PRKG1: variants seen among roughly 807,000 people sequenced by gnomAD.
PRKG1 encodes the protein protein kinase cGMP-dependent 1.
PRKG1 carries 35 observed loss-of-function variants against 88.1 expected under a neutral mutation model. The observed-to-expected ratio is 0.40, with a 90% CI of 0.30 to 0.53. The LOEUF (loss-of-function observed/expected upper bound fraction) is 0.53. Ranked by LOEUF, PRKG1 falls within the 20% of genes least tolerant of loss-of-function variation. The pLI is 0.59. For missense variants in PRKG1, 540 were observed against 839.8 expected, an observed-to-expected ratio of 0.64 and a Z score of 4.41; for synonymous variants, 303 against 292.5, an observed-to-expected ratio of 1.04 and a Z score of -0.37.
At chr10:51,521,682 T>C (rs1272811461) in intron 3 of PRKG1, among the ~76,000 whole-genome samples, 2 of 152,202 alleles carry the variant, frequency 1.3e-5, no homozygotes, top group Non-Finnish European at 2.9e-5. Flanking sequence ...AGAATTCTAA[T>C]TGTACAAATA....
At chr10:51,455,437 G>T (rs916782918) in intron 2 of PRKG1, among the ~76,000 whole-genome samples, 1 of 152,146 alleles carries the variant, frequency 6.6e-6, no homozygotes, top group Non-Finnish European at 1.5e-5. Flanking sequence ...CAAAAAATGG[G>T]TTTTTCTTTC....
chr10:51,779,263 A>C (rs980024389), intron 3 of PRKG1, among the ~76,000 whole-genome samples: 7 of 152,086 alleles, frequency 4.6e-5, no homozygotes, highest in South Asian at 2.1e-4. Flanking sequence ...TGACAACCCT[A>C]CTTGGAGAAT....
At chr10:51,939,495 T>C (rs112093287) in intron 5 of PRKG1, among the ~76,000 whole-genome samples, 44 of 152,220 alleles carry the variant, frequency 2.9e-4, no homozygotes, top group Middle Eastern at 3.4e-3. Flanking sequence ...GGCTTAACAT[T>C]GCTTTGCTTC....
At chr10:52,032,545 T>C (rs142647265) in intron 5 of PRKG1, among the ~76,000 whole-genome samples, 1 of 152,262 alleles carries the variant, frequency 6.6e-6, no homozygotes, top group African/African-American at 2.4e-5. Flanking sequence ...AAATACACCA[T>C]TGGTATATAA....
chr10:51,595,987 T>C (rs957545290), intron 3 of PRKG1, among the ~76,000 whole-genome samples: 22 of 151,922 alleles, frequency 1.4e-4, no homozygotes, highest in Non-Finnish European at 2.9e-5. Flanking sequence ...CCTGCCACCA[T>C]GCCCGGCTAA....
At chr10:51,351,703 C>T (rs1228893963) in intron 2 of PRKG1, among the ~76,000 whole-genome samples, 1 of 152,072 alleles carries the variant, frequency 6.6e-6, no homozygotes, top group African/African-American at 2.4e-5. Context: ...TGTCTGTTCT[C>T]TCTGATGATA....
At chr10:52,142,904 C>T (rs1273167991) in intron 8 of PRKG1, among the ~76,000 whole-genome samples, 1 of 152,122 alleles carries the variant, frequency 6.6e-6, no homozygotes, top group East Asian at 1.9e-4. Context: ...TTATTTGGTT[C>T]ACTACTGTAT....
At chr10:51,817,524 G>T (rs1839624378) in intron 4 of PRKG1, among the ~76,000 whole-genome samples, 1 of 152,130 alleles carries the variant, frequency 6.6e-6, no homozygotes, top group African/African-American at 2.4e-5. Flanking sequence ...CATAGGACAT[G>T]AACTCATCCT....
intron 2 of PRKG1, among the ~76,000 whole-genome samples, chr10:51,281,332 C>G (rs897288657): frequency 3.3e-5 from 5 of 152,140 alleles, no homozygotes; most frequent in African/African-American, 1.2e-4. Context: ...AGGAGGCAGT[C>G]TGTCCATTCT....
chr10:51,514,266 C>T (rs111390828), intron 3 of PRKG1, among the ~76,000 whole-genome samples: 15,018 of 152,004 alleles, frequency 0.099, 2,337 homozygotes, highest in African/African-American at 0.33. Context: ...ATACATTCCT[C>T]GACACATACA....
chr10:52,150,929 T>C (rs1323983232), intron 8 of PRKG1, among the ~76,000 whole-genome samples: 2 of 152,310 alleles, frequency 1.3e-5, no homozygotes, highest in East Asian at 3.9e-4. Context: ...ATAATTGATA[T>C]GTCTATATAA....
At chr10:51,303,591 G>A (rs1428597907) in intron 2 of PRKG1, among the ~76,000 whole-genome samples, 1 of 151,598 alleles carries the variant, frequency 6.6e-6, no homozygotes, top group Admixed American at 6.6e-5. Context: ...CGTCTTACTG[G>A]GCATGATGGA....
chr10:51,523,485 A>G (rs1475429060), intron 3 of PRKG1, among the ~76,000 whole-genome samples: 3 of 152,314 alleles, frequency 2.0e-5, no homozygotes, highest in Admixed American at 6.5e-5. Context: ...TTCATGACCT[A>G]GTTATGACCT....
At chr10:51,060,025 A>G (rs1843676367) in intron 1 of PRKG1, among the ~76,000 whole-genome samples, 1 of 152,124 alleles carries the variant, frequency 6.6e-6, no homozygotes, top group Non-Finnish European at 1.5e-5. Flanking sequence ...AATTATAATT[A>G]CTTTCAGATA....
At chr10:52,246,728 G>T (rs10824295) in intron 9 of PRKG1, among the ~76,000 whole-genome samples, 77,640 of 151,410 alleles carry the variant, frequency 0.51, 21,837 homozygotes, top group East Asian at 0.79. Flanking sequence ...AATACAAAAT[G>T]AGCCATGCGT....
intron 3 of PRKG1, among the ~76,000 whole-genome samples, chr10:51,623,173 A>T (rs1435959122): frequency 1.3e-5 from 2 of 152,194 alleles, no homozygotes; most frequent in Admixed American, 1.3e-4. Flanking sequence ...TGTGCTTTAA[A>T]GATAGTATAG....
chr10:51,417,248 A>G (rs1375570943), intron 2 of PRKG1, among the ~76,000 whole-genome samples: 1 of 152,204 alleles, frequency 6.6e-6, no homozygotes, highest in Admixed American at 6.5e-5. Flanking sequence ...GTCCTACATG[A>G]CATTTATTCC....
intron 1 of PRKG1, among the ~76,000 whole-genome samples, chr10:50,992,486 TC>T (rs1356034970): frequency 1.3e-5 from 2 of 152,100 alleles, no homozygotes; most frequent in African/African-American, 4.8e-5. Flanking sequence ...TAGTGCGCCC[TC>T]CCTTTTTGTT....
At chr10:51,904,803 A>G (rs1842051048) in intron 4 of PRKG1, among the ~76,000 whole-genome samples, 1 of 152,186 alleles carries the variant, frequency 6.6e-6, no homozygotes. Flanking sequence ...TGATATATTT[A>G]AAATGCCATC....
Sources: gnomAD v4.1 joint callset for allele counts (sites outside exome capture counted in the v4.1 genomes callset) on GRCh38, gnomAD v4.1.1 for gene constraint, MANE v1.5 for transcripts, NCBI Gene and HGNC (gene_info 2026-07-23, HGNC 2026-07-21) for gene names.